KIR3DL2: variants seen among roughly 807,000 people sequenced by gnomAD.
KIR3DL2 encodes killer cell immunoglobulin-like receptor 3DL2.
A neutral mutation model predicts 41.6 loss-of-function variants in KIR3DL2; 42 were observed. The observed-to-expected ratio is 1.01, with a 90% CI of 0.79 to 1.31. KIR3DL2 has a LOEUF of 1.31. Among genes scored for constraint, KIR3DL2 ranks in the 50% most tolerant of loss-of-function variants. The pLI is 0.00. For missense variants in KIR3DL2, 728 were observed against 576.8 expected (o/e 1.26, Z -2.68); for synonymous variants, 230 against 221.3 (o/e 1.04, Z -0.35).
intron 5 of KIR3DL2, among the ~76,000 whole-genome samples, chr19:54,857,089 T>A (rs1440067393): frequency 6.6e-6 from 1 of 150,762 alleles, no homozygotes; most frequent in Non-Finnish European, 1.5e-5. Context: ...AAGTTCTCTT[T>A]TTTTTTTTTT....
chr19:54,859,987 T>A (rs544128037), intron 6 of KIR3DL2, among the ~76,000 whole-genome samples: 1 of 151,988 alleles, frequency 6.6e-6, no homozygotes, highest in East Asian at 1.9e-4. Context: ...CTGCTCTCCC[T>A]TCTTGCCCTT....
At chr19:54,856,392 CT>C (rs2064780400) in intron 5 of KIR3DL2, among the ~76,000 whole-genome samples, 2 of 151,676 alleles carry the variant, frequency 1.3e-5, no homozygotes, top group East Asian at 3.9e-4. Context: ...TCATAAATAC[CT>C]TTATATGCTG....
intron 6 of KIR3DL2, among the ~76,000 whole-genome samples, chr19:54,860,706 G>C (rs1245811957): frequency 6.6e-6 from 1 of 150,534 alleles, no homozygotes; most frequent in Non-Finnish European, 1.5e-5. Context: ...ATAATGCTGA[G>C]TGTATTATTT....
chr19:54,851,999 T>G lies in KIR3DL2; in HGVS notation c.72T>G (p.Gly24=), dbSNP rs2064289186. 1 of 1,608,988 alleles carries G rather than the reference T, an allele frequency of 6.2e-7. No homozygotes were observed. The highest frequency in any genetic ancestry group is 1.3e-5 in the African/African-American group (1 of 74,242). ...FLLQGAWPLM[G]GQDKPFLSAR... Reference sequence around the variant, plus strand: ...AGGCAGTGCCTCCTTCTCCCCCAGGTGGTCAGGACAAACCCTTCCTGTCTG... The same window carrying G: ...AGGCAGTGCCTCCTTCTCCCCCAGGGGGTCAGGACAAACCCTTCCTGTCTG... Residue 24 remains glycine, a splice_region_variant and synonymous_variant, in exon 3 of 9, where the codon GGT becomes GGG. Coordinates refer to ENST00000326321, the MANE Select transcript of KIR3DL2 (RefSeq NM_006737.4).
chr19:54,858,298 A>T (rs1234591502), intron 5 of KIR3DL2, among the ~76,000 whole-genome samples: 2 of 150,262 alleles, frequency 1.3e-5, no homozygotes, highest in Non-Finnish European at 3.0e-5. Flanking sequence ...TTTTTAATCC[A>T]TTTTCATTTG....
Position 54,852,966 on chromosome 19 carries a change from C to G in KIR3DL2, c.355+684C>G, listed in dbSNP as rs1210207607. On this transcript the variant is annotated intron_variant, in intron 3 of 8. Coordinates refer to ENST00000326321, the MANE Select transcript of KIR3DL2 (RefSeq NM_006737.4). Reference sequence around the variant, plus strand: ...AAGCTAGGAAACCAAACAAGGATAGCCAGGTGTGGTGGTGGGCACGAGTAA... The same window carrying G: ...AAGCTAGGAAACCAAACAAGGATAGGCAGGTGTGGTGGTGGGCACGAGTAA... Among the ~76,000 whole-genome samples, 2 of 149,018 alleles carry G rather than the reference C, an allele frequency of 1.3e-5. 1 individual carries two copies. The highest frequency in any genetic ancestry group is 3.0e-5 in the Non-Finnish European group (2 of 67,158).
intron 6 of KIR3DL2, among the ~76,000 whole-genome samples, chr19:54,865,363 G>A (rs2065430900): frequency 2.0e-5 from 3 of 151,982 alleles, no homozygotes; most frequent in African/African-American, 2.4e-5. Flanking sequence ...GAGATCACAT[G>A]GCAAGAGAGG....
At chr19:54,853,647 G>A (rs1380911169) in intron 3 of KIR3DL2, 100 bp from the exon 4 acceptor site, 27 of 1,368,874 alleles carry the variant, frequency 2.0e-5, no homozygotes, top group Admixed American at 9.2e-5. Flanking sequence ...AGAGGGAGGA[G>A]AGAGACAGAC....
In KIR3DL2 at chr19:54,852,247, C is replaced by T. The variant is rs377747595; in HGVS notation, c.320C>T (p.Ser107Leu). 6.8e-5 allele frequency: 110 copies of T among 1,610,322 alleles called. No individual in the cohort carries two copies. In the Middle Eastern group the frequency reaches 1.5e-3, roughly 22 times the overall value. Reference protein sequence around the residue: ...GSRPHSLTGWSAPSNPLVIMV... With the variant: ...GSRPHSLTGWLAPSNPLVIMV... ...CGCCCACACTCCCTCACTGGGTGGT[C>T]GGCACCCAGCAACCCCCTGGTGATC... Residue 107 changes from serine (S) to leucine (L), a missense_variant, in exon 3 of 9, where the codon TCG becomes TTG. Physicochemically the swap from Ser to Leu is moderately radical, Grantham distance 145. Coordinates refer to ENST00000326321, the MANE Select transcript of KIR3DL2 (RefSeq NM_006737.4).
At chr19:54,852,910 G>A (rs1385171288) in intron 3 of KIR3DL2, among the ~76,000 whole-genome samples, 5 of 149,132 alleles carry the variant, frequency 3.4e-5, no homozygotes, top group African/African-American at 1.2e-4. Flanking sequence ...AGCAGCAACA[G>A]GAAACCGACA....
At chr19:54,855,951 T>C in intron 5 of KIR3DL2, 39 bp downstream of exon 5, 1 of 1,606,942 alleles carries the variant, frequency 6.2e-7, no homozygotes, top group Non-Finnish European at 8.5e-7. Context: ...CTTATGATCC[T>C]AGAGCCATAG....
chr19:54,856,427 T>C (rs2064784384), intron 5 of KIR3DL2, among the ~76,000 whole-genome samples: 1 of 151,860 alleles, frequency 6.6e-6, no homozygotes, highest in Non-Finnish European at 1.5e-5. Context: ...ACGGTTGTAA[T>C]CTTGGCGCTT....
rs1045839917 is a variant in KIR3DL2 at position 54,863,814 on chromosome 19, C to G, written c.1001-1991C>G. 3.9e-5 allele frequency among the ~76,000 whole-genome samples: 6 copies of G among 151,942 alleles called. 1 individual carries two copies. Among genetic ancestry groups the G allele is most frequent in the Non-Finnish European group, 8.8e-5 (6 of 67,978 alleles). On this transcript the variant is annotated intron_variant, in intron 6 of 8. Transcript: ENST00000326321. Reference sequence around the variant, plus strand: ...TCTCCCATTTTGTAGGTTGTCTGTTCACTCTGATGGTAGTTTCTTTTGCTG... The same window carrying G: ...TCTCCCATTTTGTAGGTTGTCTGTTGACTCTGATGGTAGTTTCTTTTGCTG...
chr19:54,855,263 CAAAAT>C (rs1378102874), intron 4 of KIR3DL2, among the ~76,000 whole-genome samples: 12 of 148,512 alleles, frequency 8.1e-5, no homozygotes, highest in African/African-American at 3.0e-4. Flanking sequence ...TAGATAGACA[CAAAAT>C]AGATAGATAG....
intron 4 of KIR3DL2, 105 bp downstream of exon 4, chr19:54,854,151 T>C (rs1036289708): frequency 1.0e-5 from 14 of 1,381,374 alleles, no homozygotes; most frequent in Admixed American, 1.7e-5. Flanking sequence ...GTGGGATTCT[T>C]ATGGAGAGAG....
chr19:54,851,007 G>T (rs572752119), intron 1 of KIR3DL2, among the ~76,000 whole-genome samples: 1 of 150,904 alleles, frequency 6.6e-6, no homozygotes, highest in Non-Finnish European at 1.5e-5. Flanking sequence ...TATGGGCCTG[G>T]AGTGGAGATC....
intron 3 of KIR3DL2, 59 bp from the exon 4 acceptor site, chr19:54,853,688 G>A (rs2064484215): frequency 6.4e-7 from 1 of 1,569,368 alleles, no homozygotes; most frequent in Non-Finnish European, 8.7e-7. Flanking sequence ...CTCATTCCAG[G>A]TGCCATGGAT....
chr19:54,859,493 G>A (rs1224740553), intron 6 of KIR3DL2, among the ~76,000 whole-genome samples: 2 of 152,040 alleles, frequency 1.3e-5, no homozygotes, highest in Admixed American at 6.5e-5. Context: ...GTGTTTTAGA[G>A]AAGTTCCACT....
intron 6 of KIR3DL2, among the ~76,000 whole-genome samples, chr19:54,861,875 A>G (rs992141597): frequency 2.0e-4 from 30 of 152,014 alleles, no homozygotes; most frequent in African/African-American, 6.0e-4. Flanking sequence ...GCCCTGAAAT[A>G]GGGAAAGTGC....
Sources: gnomAD v4.1 joint callset for allele counts (sites outside exome capture counted in the v4.1 genomes callset) on GRCh38, gnomAD v4.1.1 for gene constraint, MANE v1.5 for transcripts, NCBI Gene and HGNC (gene_info 2026-07-23, HGNC 2026-07-21) for gene names.